MAST4: variants seen among roughly 807,000 people sequenced by gnomAD.
MAST4 encodes the protein microtubule associated serine/threonine kinase family member 4.
A neutral mutation model predicts 162.7 loss-of-function variants in MAST4; 89 were observed. The observed-to-expected ratio is 0.55, with a 90% CI of 0.46 to 0.65. The LOEUF (loss-of-function observed/expected upper bound fraction) is 0.65. MAST4 is among the 30% of genes least tolerant of loss of function. The probability of loss-of-function intolerance (pLI) is 0.00; values close to 1 mark genes in which losing one functional copy is unlikely to be tolerated. For missense variants in MAST4, 3,153 were observed against 3,374.0 expected, an observed-to-expected ratio of 0.93 and a Z score of 1.62; for synonymous variants, 1,479 against 1,361.1, an observed-to-expected ratio of 1.09 and a Z score of -1.91.
intron 4 of MAST4, among the ~76,000 whole-genome samples, chr5:66,991,608 C>G (rs1750073152): frequency 6.6e-6 from 1 of 152,148 alleles, no homozygotes; most frequent in Admixed American, 6.5e-5. Flanking sequence ...GAAGTATATC[C>G]AATCCTGTTT....
intron 26 of MAST4, among the ~76,000 whole-genome samples, chr5:67,154,715 C>T (rs893027515): frequency 6.6e-6 from 1 of 152,200 alleles, no homozygotes; most frequent in African/African-American, 2.4e-5. Flanking sequence ...TTTGAAGCCA[C>T]GGTGTACTCT....
intron 2 of MAST4, among the ~76,000 whole-genome samples, chr5:66,788,467 G>A (rs537426215): frequency 6.6e-6 from 1 of 152,266 alleles, no homozygotes; most frequent in African/African-American, 2.4e-5. Flanking sequence ...TGATGTTGGA[G>A]GTCAGGGCCA....
In MAST4 at chr5:67,162,731, A is replaced by G; in HGVS notation, c.3910A>G (p.Ser1304Gly). The change falls in exon 28 of 29, where the codon AGC becomes GGC. Residue 1304 changes from serine to glycine, a missense_variant. By Grantham distance (56) the Ser-to-Gly change is moderately conservative. Transcript: ENST00000403625. ...GAGCCTCCCAGGTTCCCCCACTCAT[A>G]GCTTGTCTCCCCGGTCTCCAACACC... Reference protein sequence around the residue: ...GESLPGSPTHSLSPRSPTPSY... With the variant: ...GESLPGSPTHGLSPRSPTPSY... The G allele has an allele frequency of 6.2e-7, 1 of 1,613,816 alleles. No homozygotes were observed. Among genetic ancestry groups the G allele is most frequent in the Non-Finnish European group, 8.5e-7 (1 of 1,179,840 alleles).
At chr5:66,914,879 C>T (rs979982868) in intron 4 of MAST4, among the ~76,000 whole-genome samples, 1 of 152,146 alleles carries the variant, frequency 6.6e-6, no homozygotes, top group Non-Finnish European at 1.5e-5. Flanking sequence ...TAAACACCTA[C>T]AGTGAACAAG....
chr5:67,025,998 T>G (rs932860477), intron 4 of MAST4, among the ~76,000 whole-genome samples: 27 of 152,204 alleles, frequency 1.8e-4, no homozygotes, highest in Admixed American at 1.8e-3. Context: ...CCTACCTACT[T>G]GTCAGGCTTG....
chr5:67,158,237 C>G (rs1581756310), intron 26 of MAST4, among the ~76,000 whole-genome samples: 1 of 152,272 alleles, frequency 6.6e-6, no homozygotes, highest in Middle Eastern at 3.4e-3. Flanking sequence ...AATGCCATCT[C>G]TACTATCAGA....
chr5:66,669,385 GT>G (rs958736742), intron 1 of MAST4, among the ~76,000 whole-genome samples: 5 of 152,196 alleles, frequency 3.3e-5, no homozygotes, highest in African/African-American at 9.7e-5. Context: ...AAAAGTACCA[GT>G]TTCCACACAG....
In MAST4 at chr5:67,102,526, T is replaced by C; in HGVS notation, c.1071-10T>C. 1 of 1,613,694 alleles carries C rather than the reference T, an allele frequency of 6.2e-7. No individual in the cohort carries two copies. Among genetic ancestry groups the C allele is most frequent in the Non-Finnish European group, 8.5e-7 (1 of 1,179,586 alleles). ...GGCAAGTTTAAAAGGGTAATTTGCT[T>C]TGCTTGCAGCCCTGGACGTTCTCCC... is the stretch of plus-strand genomic sequence containing the variant. On this transcript the variant is annotated splice_polypyrimidine_tract_variant and intron_variant, in intron 8 of 28. Transcript: ENST00000403625.
chr5:66,704,690 C>T (rs1046012810), intron 1 of MAST4, among the ~76,000 whole-genome samples: 1 of 151,810 alleles, frequency 6.6e-6, no homozygotes. Flanking sequence ...TTAGCAGAGA[C>T]AGGGTTTCAC....
At chr5:66,994,084 G>T (rs1264513303) in intron 4 of MAST4, among the ~76,000 whole-genome samples, 5 of 152,094 alleles carry the variant, frequency 3.3e-5, no homozygotes, top group Non-Finnish European at 1.5e-5. Flanking sequence ...ACCTGTTTGA[G>T]CTGAGCAGTT....
intron 4 of MAST4, among the ~76,000 whole-genome samples, chr5:67,039,241 C>G (rs918790686): frequency 6.6e-6 from 1 of 152,164 alleles, no homozygotes; most frequent in African/African-American, 2.4e-5. Context: ...GTTGAGGCAT[C>G]CTAATTCTGG....
At chr5:66,989,213 A>T (rs1749820065) in intron 4 of MAST4, among the ~76,000 whole-genome samples, 1 of 152,128 alleles carries the variant, frequency 6.6e-6, no homozygotes, top group African/African-American at 2.4e-5. Context: ...ATGGCCTTGG[A>T]TCCTGCCTCT....
chr5:67,139,142 C>G (rs1023468337), intron 19 of MAST4, among the ~76,000 whole-genome samples: 2 of 152,212 alleles, frequency 1.3e-5, no homozygotes, highest in Non-Finnish European at 2.9e-5. Context: ...GCCAAACAGG[C>G]CAGTCCAACA....
intron 1 of MAST4, among the ~76,000 whole-genome samples, chr5:66,689,559 A>G (rs1748905608): frequency 6.6e-6 from 1 of 152,084 alleles, no homozygotes; most frequent in African/African-American, 2.4e-5. Flanking sequence ...GTTAAACTTC[A>G]GCCCAGTGCC....
At chr5:67,048,867 C>T (rs1166715423) in intron 4 of MAST4, among the ~76,000 whole-genome samples, 1 of 150,756 alleles carries the variant, frequency 6.6e-6, no homozygotes, top group Non-Finnish European at 1.5e-5. Flanking sequence ...TAAAAGGTAA[C>T]TGTTAATTTC....
chr5:67,080,054 A>G (rs972758655), intron 5 of MAST4, among the ~76,000 whole-genome samples: 4 of 152,168 alleles, frequency 2.6e-5, no homozygotes, highest in Admixed American at 6.5e-5. Context: ...ATAATTCACC[A>G]TTTCTAACCC....
At chr5:67,026,943 G>T (rs952227779) in intron 4 of MAST4, among the ~76,000 whole-genome samples, 1 of 152,024 alleles carries the variant, frequency 6.6e-6, no homozygotes, top group Non-Finnish European at 1.5e-5. Context: ...GTTTAAATTA[G>T]CCAGTTACCT....
chr5:66,694,950 T>C (rs1307601084), intron 1 of MAST4, among the ~76,000 whole-genome samples: 2 of 152,226 alleles, frequency 1.3e-5, no homozygotes, highest in African/African-American at 4.8e-5. Flanking sequence ...GGCAAAAATT[T>C]TCTCCCATTC....
intron 1 of MAST4, among the ~76,000 whole-genome samples, chr5:66,643,881 T>TTG (rs1398154640): frequency 3.5e-4 from 53 of 151,394 alleles, no homozygotes; most frequent in Non-Finnish European, 6.3e-4. Context: ...AGCTTGTGTT[T>TTG]TTTTTTTTTT....
Sources: allele counts gnomAD v4.1 joint callset (sites outside exome capture counted in the v4.1 genomes callset), GRCh38; gene constraint gnomAD v4.1.1; transcripts MANE v1.5; gene names NCBI Gene and HGNC (gene_info 2026-07-23, HGNC 2026-07-21).